GFM2: variants seen among roughly 807,000 people sequenced by gnomAD.
GFM2 encodes the protein ribosome-releasing factor 2, mitochondrial.
A neutral mutation model predicts 95.4 loss-of-function variants in GFM2; 72 were observed. That is an observed-to-expected ratio of 0.76 (90% CI 0.62 to 0.92). The LOEUF is 0.92. Among genes scored for constraint, GFM2 ranks in the 40% least tolerant of loss-of-function variants. The pLI is 0.00. For missense variants in GFM2, 825 were observed against 924.1 expected (o/e 0.89, Z 1.39); for synonymous variants, 276 against 317.5 (o/e 0.87, Z 1.39).
intron 5 of GFM2, among the ~76,000 whole-genome samples, chr5:74,756,492 C>T (rs542914787): frequency 3.3e-5 from 5 of 152,052 alleles, no homozygotes; most frequent in African/African-American, 7.2e-5. Context: ...TATAAACATG[C>T]GTGGTCAAGT....
intron 16 of GFM2, among the ~76,000 whole-genome samples, chr5:74,732,086 C>T (rs1339835609): frequency 6.7e-6 from 1 of 149,282 alleles, no homozygotes; most frequent in Non-Finnish European, 1.5e-5. Flanking sequence ...TCCTGAGTCG[C>T]TGGGACCACA....
Position 74,721,580 on chromosome 5 carries a change from A to G in GFM2, c.*75T>C. 1 of 1,421,014 alleles carries G rather than the reference A, an allele frequency of 7.0e-7. No homozygotes were observed. The allele number at this position is 1,421,014 out of a possible 1,614,324, so 88.0% of individuals were successfully genotyped here. On this transcript the variant is annotated 3_prime_UTR_variant, in exon 21 of 21. Transcript: ENST00000296805. ...ACAGTACTTTATTCGTCCAATAAAT[A>G]AAGCAATAAAAATTGTTCTTACTGA...
intron 19 of GFM2, 74 bp downstream of exon 19, chr5:74,725,566 G>C (rs1045003689): frequency 1.1e-5 from 11 of 958,672 alleles, no homozygotes; most frequent in Non-Finnish European, 1.7e-5. Flanking sequence ...TGTAAACACA[G>C]CTGTCTGCAA....
At chr5:74,735,368 C>T (rs548602241) in intron 15 of GFM2, among the ~76,000 whole-genome samples, 1 of 152,272 alleles carries the variant, frequency 6.6e-6, no homozygotes, top group South Asian at 2.1e-4. Context: ...CAACTGTAAC[C>T]TCTACTGGGC....
chr5:74,758,957 G>T lies in GFM2; in HGVS notation c.207-11C>A. ...CCAATATTACGGATTCTGTTTAAAA[G>T]GAAAAAATAAGGTAAACTTTACTAA... On this transcript the variant is annotated splice_polypyrimidine_tract_variant and intron_variant, in intron 4 of 20. Coordinates refer to ENST00000296805, the MANE Select transcript of GFM2 (RefSeq NM_032380.5). 1 of 1,547,010 alleles carries T rather than the reference G, an allele frequency of 6.5e-7. No individual in the cohort carries two copies. The highest frequency in any genetic ancestry group is 8.9e-7 in the Non-Finnish European group (1 of 1,124,700).
At chr5:74,759,281 A>T in intron 4 of GFM2, 88 bp downstream of exon 4, 1 of 769,524 alleles carries the variant, frequency 1.3e-6, no homozygotes, top group South Asian at 1.6e-5. Context: ...AGTCATAGAA[A>T]TTACAGCATT....
chr5:74,745,063 GCGCAGTGGCTCA>G (rs1297502913), intron 10 of GFM2, among the ~76,000 whole-genome samples: 1 of 152,164 alleles, frequency 6.6e-6, no homozygotes, highest in Non-Finnish European at 1.5e-5. Flanking sequence ...ATGAGGCCCG[GCGCAGTGGCTCA>G]CGCTGGTAAT....
chr5:74,745,890 T>A (rs772778721), intron 9 of GFM2, 33 bp from the exon 10 acceptor site: 2 of 1,534,344 alleles, frequency 1.3e-6, no homozygotes, highest in South Asian at 1.2e-5. Flanking sequence ...CATTATTACA[T>A]GATCACTCAC....
intron 12 of GFM2, among the ~76,000 whole-genome samples, 184 bp downstream of exon 12, chr5:74,739,805 C>G (rs1035797207): frequency 1.3e-5 from 2 of 152,106 alleles, no homozygotes; most frequent in African/African-American, 4.8e-5. Flanking sequence ...TAAGACATCT[C>G]TTTTTACAAG....
chr5:74,747,797 G>T lies in GFM2; in HGVS notation c.520-17C>A, dbSNP rs762444418. ...AGTCTGGGCCTAAAGCAAAGATGAG[G>T]AAAAAAATACATACTGAACAAAAGT... On this transcript the variant is annotated splice_polypyrimidine_tract_variant and intron_variant, in intron 7 of 20. Transcript: ENST00000296805. 1 of 1,439,676 alleles carries T rather than the reference G, an allele frequency of 6.9e-7. No homozygotes were observed. The highest frequency in any genetic ancestry group is 1.2e-5 in the South Asian group (1 of 84,950). 89.2% of individuals were successfully genotyped at this position (1,439,676 alleles called of 1,614,324 possible). A position where few individuals can be genotyped will look rare whatever the true frequency, so the allele number is the denominator to read the frequency against.
chr5:74,755,080 A>G (rs1420806373), intron 5 of GFM2, among the ~76,000 whole-genome samples: 1 of 152,196 alleles, frequency 6.6e-6, no homozygotes, highest in Non-Finnish European at 1.5e-5. Flanking sequence ...TAGACGACAC[A>G]GCCAGACTCC....
intron 16 of GFM2, among the ~76,000 whole-genome samples, chr5:74,732,079 T>C (rs1196917514): frequency 6.6e-6 from 1 of 151,500 alleles, no homozygotes; most frequent in Non-Finnish European, 1.5e-5. Context: ...CTCAGCATCC[T>C]GAGTCGCTGG....
Position 74,722,429 on chromosome 5 carries a change from G to T in GFM2, c.2161C>A (p.Arg721Ser). 6.2e-7 allele frequency: 1 copy of T among 1,613,884 alleles called. No homozygotes were observed. Residue 721 changes from arginine (R) to serine (S), a missense_variant, in exon 20 of 21, where the codon CGC becomes AGC. Physicochemically the swap from Arg to Ser is moderately radical, Grantham distance 110. Transcript: ENST00000296805. ...CCAATAACAACTTTGTTGTCCTGGC[G>T]AGTCTGAATTTCCTGAATGTTTCCT... ...RRGNIQEIQT[R>S]QDNKVVIGFV...
chr5:74,758,953 A>C lies in GFM2; in HGVS notation c.207-7T>G. On this transcript the variant is annotated splice_region_variant and splice_polypyrimidine_tract_variant and intron_variant, in intron 4 of 20. Coordinates refer to ENST00000296805, the MANE Select transcript of GFM2 (RefSeq NM_032380.5). ...AATTCCAATATTACGGATTCTGTTT[A>C]AAAGGAAAAAATAAGGTAAACTTTA... is the stretch of plus-strand genomic sequence containing the variant. The C allele has an allele frequency of 6.4e-7, 1 of 1,559,992 alleles. No individual in the cohort carries two copies. Among genetic ancestry groups the C allele is most frequent in the African/African-American group, 1.4e-5 (1 of 70,518 alleles).
chr5:74,751,516 A>T (rs780052555), intron 5 of GFM2, 23 bp from the exon 6 acceptor site: 1 of 1,586,976 alleles, frequency 6.3e-7, no homozygotes, highest in Non-Finnish European at 8.6e-7. Flanking sequence ...AAGATGATAC[A>T]GTTTAGTCTT....
chr5:74,727,411 T>C (rs1429418164), intron 17 of GFM2, among the ~76,000 whole-genome samples: 2 of 152,176 alleles, frequency 1.3e-5, no homozygotes, highest in East Asian at 3.8e-4. Context: ...TGTTATGCCA[T>C]ATGTATACGG....
At chr5:74,766,727 A>G (rs939267219) in intron 1 of GFM2, among the ~76,000 whole-genome samples, 2 of 152,216 alleles carry the variant, frequency 1.3e-5, no homozygotes, top group Admixed American at 1.3e-4. Flanking sequence ...TCATGCACAC[A>G]TTACACAGAG....
At chr5:74,737,118 CA>C (rs1446817693) in intron 14 of GFM2, 133 bp from the exon 15 acceptor site, 1 of 787,378 alleles carries the variant, frequency 1.3e-6, no homozygotes, top group Non-Finnish European at 2.0e-6. Flanking sequence ...AAATAAAATT[CA>C]AAAAGCTCAT....
At chr5:74,750,710 ACCAT>A (rs767104849) in intron 6 of GFM2, 43 bp from the exon 7 acceptor site, 11 of 1,395,936 alleles carry the variant, frequency 7.9e-6, no homozygotes, top group Admixed American at 1.7e-5. Flanking sequence ...TTTTAACAAA[ACCAT>A]CATATGATCC....
Sources: gnomAD v4.1 joint callset for allele counts (sites outside exome capture counted in the v4.1 genomes callset) on GRCh38, gnomAD v4.1.1 for gene constraint, MANE v1.5 for transcripts, NCBI Gene and HGNC (gene_info 2026-07-23, HGNC 2026-07-21) for gene names.